Variants in NEXN observed in about 807,000 individuals in gnomAD.
NEXN encodes the protein nexilin F-actin binding protein, also known as nexilin.
In NEXN, 65 loss-of-function variants were observed where a neutral mutation model predicts 92.6. The observed-to-expected ratio is 0.70, with a 90% CI of 0.57 to 0.86. The LOEUF (loss-of-function observed/expected upper bound fraction) is 0.86. Among genes scored for constraint, NEXN ranks in the 40% least tolerant of loss-of-function variants. The probability of loss-of-function intolerance (pLI) is 0.00; values close to 1 mark genes in which losing one functional copy is unlikely to be tolerated. For missense variants in NEXN, 778 were observed against 771.1 expected (o/e 1.01, Z -0.11); for synonymous variants, 254 against 242.5 (o/e 1.05, Z -0.44).
At position 77,942,445 on chromosome 1, in the gene NEXN, A is replaced by T. The variant is rs968757175; in HGVS notation, c.1660-16A>T. 3 of 1,611,374 alleles carry T rather than the reference A, an allele frequency of 1.9e-6. No homozygotes were observed. The highest frequency in any genetic ancestry group is 1.3e-5 in the African/African-American group (1 of 74,882). On this transcript the variant is annotated splice_polypyrimidine_tract_variant and intron_variant, in intron 12 of 12. Coordinates refer to ENST00000334785, the MANE Select transcript of NEXN (RefSeq NM_144573.4). Reference sequence around the variant, plus strand: ...ATACTATAAATGCCAACCTGAATGCATTTATTTTAATACAGAAAAGAGAAG... The same window carrying T: ...ATACTATAAATGCCAACCTGAATGCTTTTATTTTAATACAGAAAAGAGAAG...
At position 77,942,189 on chromosome 1, in the gene NEXN, T is replaced by C. The variant is rs753636624; in HGVS notation, c.1640T>C (p.Ile547Thr). Residue 547 changes from isoleucine to threonine, a missense_variant, in exon 12 of 13, where the codon ATT becomes ACT. Ile to Thr is a moderately conservative substitution (Grantham distance 89). Coordinates refer to ENST00000334785, the MANE Select transcript of NEXN (RefSeq NM_144573.4). ...CGCATGCAGTTTGAACAAAGGGAAATTGATGCAGCACTACAAAAGGTACCA... is the reference window on the plus strand; with the variant it reads ...CGCATGCAGTTTGAACAAAGGGAAACTGATGCAGCACTACAAAAGGTACCA... ...LLRMQFEQRE[I>T]DAALQKKREE... 4.3e-5 allele frequency: 69 copies of C among 1,613,598 alleles called. No homozygotes were observed. Among genetic ancestry groups the C allele is most frequent in the East Asian group, 1.3e-4 (6 of 44,870 alleles).
chr1:77,911,218 C>A (rs1412772695), intron 1 of NEXN, among the ~76,000 whole-genome samples: 3 of 152,180 alleles, frequency 2.0e-5, no homozygotes, highest in East Asian at 1.9e-4. Context: ...AAATCTGAAA[C>A]CTTTGGAGTA....
At chr1:77,936,448 A>G (rs981464215) in intron 11 of NEXN, among the ~76,000 whole-genome samples, 3 of 152,158 alleles carry the variant, frequency 2.0e-5, no homozygotes, top group African/African-American at 7.2e-5. Flanking sequence ...CTAAAATAAT[A>G]TATTTTTTGG....
At position 77,942,613 on chromosome 1, in the gene NEXN, AG is replaced by A; in HGVS notation, c.1813del (p.Val605Ter). On this transcript the variant is annotated frameshift_variant, in exon 13 of 13. Coordinates refer to ENST00000334785, the MANE Select transcript of NEXN (RefSeq NM_144573.4). LOFTEE classifies it high-confidence loss of function. ...DSEPVRFTVK[V>X]TGEPKPEITW... ...GTGAGCCAGTCAGATTTACGGTTAA[AG>A]TAACAGGAGAACCCAAACCAGAAAT... 6.2e-7 allele frequency: 1 copy of A among 1,613,894 alleles called. No homozygotes were observed. Among genetic ancestry groups the A allele is most frequent in the South Asian group, 1.1e-5 (1 of 91,072 alleles).
At chr1:77,942,366 T>C (rs1651423321) in intron 12 of NEXN, 95 bp from the exon 13 acceptor site, 20 of 1,453,078 alleles carry the variant, frequency 1.4e-5, no homozygotes, top group Non-Finnish European at 1.8e-5. Context: ...GTATGTTCTT[T>C]ACTTAAAAAA....
Position 77,918,160 on chromosome 1 carries a change from CAA to C in NEXN, c.336_337del (p.Arg113ThrfsTer17). 6.2e-7 allele frequency: 1 copy of C among 1,613,394 alleles called. No individual in the cohort carries two copies. The highest frequency in any genetic ancestry group is 8.5e-7 in the Non-Finnish European group (1 of 1,179,832). On this transcript the variant is annotated frameshift_variant, in exon 5 of 13. Transcript: ENST00000334785. LOFTEE classifies it high-confidence loss of function. ...GGGTAGATTTGCTGAAATGGAGAAA[CAA>C]AGACAAGAGGAACAAAGGAAGAGAA... ...VKGRFAEMEK[Q>X]RQEEQRKRTE...
At position 77,942,445 on chromosome 1, in the gene NEXN, A is replaced by C. The variant is rs968757175; in HGVS notation, c.1660-16A>C. ...ATACTATAAATGCCAACCTGAATGC[A>C]TTTATTTTAATACAGAAAAGAGAAG... On this transcript the variant is annotated splice_polypyrimidine_tract_variant and intron_variant, in intron 12 of 12. Coordinates refer to ENST00000334785, the MANE Select transcript of NEXN (RefSeq NM_144573.4). 11 of 1,611,374 alleles carry C rather than the reference A, an allele frequency of 6.8e-6. No individual in the cohort carries two copies. The highest frequency in any genetic ancestry group is 8.5e-6 in the Non-Finnish European group (10 of 1,178,084).
intron 1 of NEXN, among the ~76,000 whole-genome samples, chr1:77,900,312 C>G (rs113181634): frequency 6.6e-6 from 1 of 152,190 alleles, no homozygotes; most frequent in Non-Finnish European, 1.5e-5. Flanking sequence ...GTGAAACCTT[C>G]TTTAACCCAG....
At chr1:77,894,275 G>T (rs1447362279) in intron 1 of NEXN, among the ~76,000 whole-genome samples, 1 of 152,094 alleles carries the variant, frequency 6.6e-6, no homozygotes, top group Non-Finnish European at 1.5e-5. Context: ...TTGGTTTTCG[G>T]TGAGGAATTG....
At chr1:77,933,185 A>T in intron 9 of NEXN, 97 bp from the exon 10 acceptor site, 1 of 871,128 alleles carries the variant, frequency 1.1e-6, no homozygotes, top group Non-Finnish European at 1.8e-6. Flanking sequence ...AAAAACTAAA[A>T]ACAAACAAAA....
At chr1:77,936,694 T>A (rs1650796630) in intron 11 of NEXN, among the ~76,000 whole-genome samples, 1 of 152,220 alleles carries the variant, frequency 6.6e-6, no homozygotes, top group Non-Finnish European at 1.5e-5. Flanking sequence ...AAGGACTATT[T>A]CTGTGATTAT....
At chr1:77,929,691 T>A (rs1650139399) in intron 9 of NEXN, among the ~76,000 whole-genome samples, 187 bp downstream of exon 9, 1 of 152,228 alleles carries the variant, frequency 6.6e-6, no homozygotes, top group African/African-American at 2.4e-5. Context: ...TTCAATTTAG[T>A]GTTCAGAAGA....
At chr1:77,903,366 G>T (rs1397105413) in intron 1 of NEXN, among the ~76,000 whole-genome samples, 1 of 152,028 alleles carries the variant, frequency 6.6e-6, no homozygotes, top group African/African-American at 2.4e-5. Context: ...GAGTTCTGAA[G>T]AAACTACATT....
In NEXN at chr1:77,942,618, C is replaced by T; in HGVS notation, c.1817C>T (p.Thr606Ile). ...SEPVRFTVKVTGEPKPEITWW... is the reference protein window; with the variant it reads ...SEPVRFTVKVIGEPKPEITWW... ...CCAGTCAGATTTACGGTTAAAGTAA[C>T]AGGAGAACCCAAACCAGAAATTACA... Residue 606 changes from threonine (T) to isoleucine (I), a missense_variant, in exon 13 of 13, where the codon ACA (threonine) becomes ATA (isoleucine). This residue lies in a region of NEXN where 532 missense variants were observed against 476.7 expected (regional missense o/e 1.12). Coordinates refer to ENST00000334785, the MANE Select transcript of NEXN (RefSeq NM_144573.4). 1 of 1,613,778 alleles carries T rather than the reference C, an allele frequency of 6.2e-7. No individual in the cohort carries two copies. Among genetic ancestry groups the T allele is most frequent in the Non-Finnish European group, 8.5e-7 (1 of 1,179,782 alleles).
intron 1 of NEXN, among the ~76,000 whole-genome samples, chr1:77,914,154 T>C (rs189280628): frequency 1.1e-3 from 169 of 152,316 alleles, no homozygotes; most frequent in Admixed American, 2.4e-3. Context: ...ACTGTAATGA[T>C]GGACACATGT....
At chr1:77,932,324 T>G (rs1571148280) in intron 9 of NEXN, among the ~76,000 whole-genome samples, 1 of 152,340 alleles carries the variant, frequency 6.6e-6, no homozygotes, top group East Asian at 1.9e-4. Flanking sequence ...CTCAGTTTCT[T>G]TCTCTGTAAA....
chr1:77,899,978 G>T lies in NEXN; in HGVS notation c.-53+11219G>T, dbSNP rs145998276. On this transcript the variant is annotated intron_variant, in intron 1 of 12. Transcript: ENST00000334785. ...TAAACTCCATTCTCTACATTGCTAT[G>T]AGTTTCTTTTTCTTTTCTTTCTAGG... 1.3e-3 allele frequency among the ~76,000 whole-genome samples: 205 copies of T among 152,174 alleles called. 1 individual carries two copies. Among genetic ancestry groups the T allele is most frequent in the African/African-American group, 4.7e-3 (194 of 41,536 alleles).
rs770173806 is a variant in NEXN, at chr1:77,926,929, A to T, written c.864+37A>T. ...TATTTAAACCTTACAATTAATATTA[A>T]TGAAGTTAGCCGACTTAAGATAAGG... is the stretch of plus-strand genomic sequence containing the variant. On this transcript the variant is annotated intron_variant, in intron 8 of 12. Coordinates refer to ENST00000334785, the MANE Select transcript of NEXN (RefSeq NM_144573.4). 5 of 1,612,602 alleles carry T rather than the reference A, an allele frequency of 3.1e-6. No homozygotes were observed. In the South Asian group the frequency reaches 5.5e-5, roughly 18 times the overall value.
In NEXN at chr1:77,943,030, T is replaced by A; in HGVS notation, c.*201T>A. ...GAGTGCCACTATGCTGACTTCTTATTCCTTTTCATAACAGTCTTCAAAGCA... is the reference window on the plus strand; with the variant it reads ...GAGTGCCACTATGCTGACTTCTTATACCTTTTCATAACAGTCTTCAAAGCA... On this transcript the variant is annotated 3_prime_UTR_variant, in exon 13 of 13. Coordinates refer to ENST00000334785, the MANE Select transcript of NEXN (RefSeq NM_144573.4). 1.6e-6 allele frequency: 1 copy of A among 640,948 alleles called. No individual in the cohort carries two copies. The highest frequency in any genetic ancestry group is 1.6e-5 in the South Asian group (1 of 62,636). 39.7% of individuals were successfully genotyped at this position (640,948 alleles called of 1,614,324 possible).
Sources: allele counts gnomAD v4.1 joint callset (sites outside exome capture counted in the v4.1 genomes callset), GRCh38; gene constraint gnomAD v4.1.1; regional missense constraint gnomAD v4.1.1; transcripts MANE v1.5; gene names NCBI Gene and HGNC (gene_info 2026-07-23, HGNC 2026-07-21).